Variants in PSORS1C1 observed in about 807,000 individuals in gnomAD.
PSORS1C1 encodes the protein psoriasis susceptibility 1 candidate gene 1 protein.
PSORS1C1 carries 7 observed loss-of-function variants against 9.4 expected under a neutral mutation model. The ratio of observed to expected loss-of-function variants is 0.75; its 90% CI spans 0.42 to 1.40. PSORS1C1 has a LOEUF of 1.40. Ranked by LOEUF, PSORS1C1 falls within the 40% of genes most tolerant of loss-of-function variation. PSORS1C1 has a pLI of 0.01. For synonymous variants in PSORS1C1, 63 were observed against 69.4 expected (o/e 0.91, Z 0.46); for missense variants, 146 against 178.1 (o/e 0.82, Z 1.02).
chr6:31,116,674 C>T, intron 1 of PSORS1C1: 1 of 1,612,756 alleles, frequency 6.2e-7, no homozygotes, highest in Non-Finnish European at 8.5e-7. Flanking sequence ...TTTACCCTTA[C>T]TGTAGGTCAT....
intron 1 of PSORS1C1, 97 bp downstream of exon 1, chr6:31,114,988 G>A (rs1010714869): frequency 1.2e-5 from 5 of 427,762 alleles, no homozygotes; most frequent in African/African-American, 2.0e-5. Flanking sequence ...AAGGGGAAGG[G>A]GGACCCCACG....
rs1327492034 is a variant in PSORS1C1 at position 31,137,986 on chromosome 6, G to A, written c.14-444G>A. On this transcript the variant is annotated intron_variant, in intron 3 of 5. Transcript: ENST00000259881. Reference sequence around the variant, plus strand: ...TCTTCCCGGGGTGGGTCTAGGTCTGGCTCCTCCTGAGGTCGGTTGTCCACC... The same window carrying A: ...TCTTCCCGGGGTGGGTCTAGGTCTGACTCCTCCTGAGGTCGGTTGTCCACC... The A allele has an allele frequency of 2.6e-6, 4 of 1,512,426 alleles. No homozygotes were observed. Among genetic ancestry groups the A allele is most frequent in the South Asian group, 1.3e-5 (1 of 74,088 alleles). 93.7% of individuals were successfully genotyped at this position (1,512,426 alleles called of 1,614,324 possible). A position where few individuals can be genotyped will look rare whatever the true frequency, so the allele number is the denominator to read the frequency against.
At chr6:31,129,151 T>C (rs1218902495) in intron 2 of PSORS1C1, among the ~76,000 whole-genome samples, 1 of 151,976 alleles carries the variant, frequency 6.6e-6, no homozygotes, top group Non-Finnish European at 1.5e-5. Context: ...AATTAGATTT[T>C]ACCGTGATAC....
intron 1 of PSORS1C1, among the ~76,000 whole-genome samples, chr6:31,121,818 G>A (rs2284177): frequency 4.1e-4 from 63 of 152,280 alleles, no homozygotes; most frequent in Admixed American, 1.4e-3. Context: ...TGTGCTGTCC[G>A]ATACGGTAGC....
intron 3 of PSORS1C1, chr6:31,137,654 T>G: frequency 3.5e-5 from 12 of 343,172 alleles, no homozygotes; most frequent in East Asian, 1.3e-4. Context: ...GCCCCAGCGA[T>G]CGCGCGGGCA....
intron 3 of PSORS1C1, among the ~76,000 whole-genome samples, chr6:31,136,986 T>TA (rs1277794628): frequency 6.7e-6 from 1 of 149,846 alleles, no homozygotes; most frequent in African/African-American, 2.5e-5. Flanking sequence ...CCATCTCTAC[T>TA]AAAATACAAA....
intron 3 of PSORS1C1, among the ~76,000 whole-genome samples, chr6:31,135,368 C>A (rs1773096583): frequency 6.6e-6 from 1 of 152,096 alleles, no homozygotes; most frequent in African/African-American, 2.4e-5. Context: ...TCCCGAGTAG[C>A]TGGGATGCCC....
chr6:31,138,059 C>G (rs553229980), intron 3 of PSORS1C1: 1 of 1,541,682 alleles, frequency 6.5e-7, no homozygotes, highest in South Asian at 1.3e-5. Context: ...GTCCTGCCGG[C>G]CAAGGGTCGT....
At position 31,129,274 on chromosome 6, in the gene PSORS1C1, C is replaced by T. The variant is rs370121903; in HGVS notation, c.-64-295C>T. On this transcript the variant is annotated intron_variant, in intron 2 of 5. Coordinates refer to ENST00000259881, the MANE Select transcript of PSORS1C1 (RefSeq NM_014068.3). ...GTGATCCTATTCTGTTATTTAATTC[C>T]GTGACTCTGTGTTGACATAGACGTG... 6.6e-5 allele frequency among the ~76,000 whole-genome samples: 10 copies of T among 152,200 alleles called. No individual in the cohort carries two copies. In the South Asian group the frequency reaches 1.5e-3, roughly 22 times the overall value.
chr6:31,120,270 G>A (rs149867417), intron 1 of PSORS1C1: 54 of 1,283,546 alleles, frequency 4.2e-5, no homozygotes, highest in Non-Finnish European at 5.2e-5. Context: ...TGTCCCCTTC[G>A]CTGGGTCCTC....
At position 31,117,282 on chromosome 6, in the gene PSORS1C1, C is replaced by T. The variant is rs907596149; in HGVS notation, c.-229+2391C>T. ...CGGAGGAGTAGCTGACCTGGGAATA[C>T]CCCGTTCCTGGCTTAAAAGATCCTG... is the stretch of plus-strand genomic sequence containing the variant. On this transcript the variant is annotated intron_variant, in intron 1 of 5. Transcript: ENST00000259881. The T allele has an allele frequency of 4.4e-6, 7 of 1,601,212 alleles. No homozygotes were observed. The Admixed American group carries it at 6.8e-5, about 16-fold the overall frequency.
At chr6:31,138,817 C>T (rs1286040096) in intron 5 of PSORS1C1, 38 bp downstream of exon 5, 2 of 1,613,440 alleles carry the variant, frequency 1.2e-6, no homozygotes, top group African/African-American at 1.3e-5. Flanking sequence ...ATGTCCCCCA[C>T]CCAATGTGTC....
intron 3 of PSORS1C1, among the ~76,000 whole-genome samples, chr6:31,134,539 T>A (rs995990942): frequency 2.6e-5 from 4 of 151,824 alleles, no homozygotes; most frequent in African/African-American, 7.3e-5. Flanking sequence ...TCTCCTGACC[T>A]CGTGATTCGC....
intron 5 of PSORS1C1, 29 bp downstream of exon 5, chr6:31,138,808 T>C: frequency 6.2e-7 from 1 of 1,613,874 alleles, no homozygotes. Context: ...TTCTGCACCA[T>C]GTCCCCCACC....
chr6:31,138,318 G>A, intron 3 of PSORS1C1, 112 bp from the exon 4 acceptor site: 1 of 1,605,600 alleles, frequency 6.2e-7, no homozygotes. Flanking sequence ...TGTAAAGGAG[G>A]AAGGAGAAAG....
Position 31,139,378 on chromosome 6 carries a change from C to A in PSORS1C1, c.168-263C>A. The A allele has an allele frequency of 1.7e-6, 1 of 591,398 alleles. No individual in the cohort carries two copies. The highest frequency in any genetic ancestry group is 3.0e-6 in the Non-Finnish European group (1 of 331,878). The allele number at this position is 591,398 out of a possible 1,614,324, so 36.6% of individuals were successfully genotyped here. A position where few individuals can be genotyped will look rare whatever the true frequency, so the allele number is the denominator to read the frequency against. The stretch of plus-strand genomic sequence containing the variant: ...AGATGTCCACCTTCATCCCTTGCAA[C>A]TATTGGAAGCCAAAGAATGGGAGCA... On this transcript the variant is annotated intron_variant, in intron 5 of 5. Coordinates refer to ENST00000259881, the MANE Select transcript of PSORS1C1 (RefSeq NM_014068.3). This position sits in a 1 kb window ranked among gnomAD's most constrained non-coding sequence, Gnocchi z 5.2.
At position 31,133,873 on chromosome 6, in the gene PSORS1C1, G is replaced by A. The variant is rs1340407437; in HGVS notation, c.13+4228G>A. Among the ~76,000 whole-genome samples the A allele has an allele frequency of 5.3e-5, 8 of 152,144 alleles. 1 individual carries two copies. Among genetic ancestry groups the A allele is most frequent in the Admixed American group, 5.2e-4 (8 of 15,276 alleles). On this transcript the variant is annotated intron_variant, in intron 3 of 5. Coordinates refer to ENST00000259881, the MANE Select transcript of PSORS1C1 (RefSeq NM_014068.3). The stretch of plus-strand genomic sequence containing the variant: ...GAATGGGTGAATCCAGTCCAGCTTG[G>A]GGCCTATTTAATTCTACTAGGCTCA...
chr6:31,127,185 T>C (rs2150967600), intron 2 of PSORS1C1, among the ~76,000 whole-genome samples: 1 of 152,194 alleles, frequency 6.6e-6, no homozygotes, highest in South Asian at 2.1e-4. Flanking sequence ...CGGAAAGACT[T>C]GTACCAGGAG....
rs1389901579 is a variant in PSORS1C1, at chr6:31,120,409, G to C, written c.-228-5267G>C. 3.8e-6 allele frequency: 6 copies of C among 1,587,896 alleles called. No homozygotes were observed. The South Asian group carries it at 6.9e-5, about 18-fold the overall frequency. Reference sequence around the variant, plus strand: ...CACACGCCCCATCCAGGGTGCCCGAGACGAGCCCATCTCGGACTGCACGGC... The same window carrying C: ...CACACGCCCCATCCAGGGTGCCCGACACGAGCCCATCTCGGACTGCACGGC... On this transcript the variant is annotated intron_variant, in intron 1 of 5. Coordinates refer to ENST00000259881, the MANE Select transcript of PSORS1C1 (RefSeq NM_014068.3).
Sources: gnomAD v4.1 joint callset for allele counts (sites outside exome capture counted in the v4.1 genomes callset) on GRCh38, gnomAD v4.1.1 for gene constraint, Gnocchi (gnomAD v3.1) non-coding constraint, MANE v1.5 for transcripts, NCBI Gene and HGNC (gene_info 2026-07-23, HGNC 2026-07-21) for gene names.